Variants in FRMD4A observed in about 807,000 individuals in gnomAD.
FRMD4A encodes the protein FERM domain containing 4A.
A neutral mutation model predicts 129.1 loss-of-function variants in FRMD4A; 29 were observed. The observed-to-expected ratio is 0.22, with a 90% confidence interval of 0.17 to 0.31. The LOEUF (loss-of-function observed/expected upper bound fraction) is 0.31. Ranked by LOEUF, FRMD4A falls within the 10% of genes least tolerant of loss-of-function variation. FRMD4A has a pLI of 1.00. For synonymous variants in FRMD4A, 634 were observed against 571.6 expected (o/e 1.11, Z -1.56); for missense variants, 1,272 against 1,375.8 (o/e 0.92, Z 1.19).
chr10:14,281,954 T>C (rs1845533032), intron 2 of FRMD4A, among the ~76,000 whole-genome samples: 1 of 152,104 alleles, frequency 6.6e-6, no homozygotes, highest in South Asian at 2.1e-4. Context: ...GGGTGATTTA[T>C]AAAGAAAAAG....
At chr10:13,988,533 T>C (rs1379221498) in intron 2 of FRMD4A, among the ~76,000 whole-genome samples, 1 of 152,174 alleles carries the variant, frequency 6.6e-6, no homozygotes, top group Non-Finnish European at 1.5e-5. Context: ...TTGCATAAAA[T>C]AGCTGTGGGA....
chr10:14,225,130 G>A (rs142881822), intron 2 of FRMD4A, among the ~76,000 whole-genome samples: 1 of 152,288 alleles, frequency 6.6e-6, no homozygotes, highest in East Asian at 1.9e-4. Flanking sequence ...CCAGGTGGCG[G>A]TAAGTTAATA....
intron 2 of FRMD4A, among the ~76,000 whole-genome samples, chr10:14,125,469 G>T (rs925455353): frequency 1.3e-5 from 2 of 152,082 alleles, no homozygotes; most frequent in African/African-American, 2.4e-5. Context: ...ACTTGCAAAG[G>T]TCCAATACCC....
intron 2 of FRMD4A, among the ~76,000 whole-genome samples, chr10:13,967,320 G>A (rs2095491633): frequency 6.6e-6 from 1 of 152,034 alleles, no homozygotes; most frequent in Non-Finnish European, 1.5e-5. Flanking sequence ...CTGGGCGACA[G>A]AGCGAGACTC....
intron 2 of FRMD4A, among the ~76,000 whole-genome samples, chr10:13,885,183 G>T (rs565060067): frequency 6.6e-6 from 1 of 152,152 alleles, no homozygotes; most frequent in East Asian, 1.9e-4. Flanking sequence ...CCAGGAATTC[G>T]AGACCAGCCT....
At chr10:14,210,738 T>C (rs1842912734) in intron 2 of FRMD4A, among the ~76,000 whole-genome samples, 1 of 152,160 alleles carries the variant, frequency 6.6e-6, no homozygotes, top group Admixed American at 6.5e-5. Flanking sequence ...GTTTCTTTGT[T>C]TGTTTTTGAG....
chr10:13,661,620 C>T (rs888897270), intron 19 of FRMD4A, among the ~76,000 whole-genome samples: 1 of 152,128 alleles, frequency 6.6e-6, no homozygotes, highest in African/African-American at 2.4e-5. Flanking sequence ...AGTGAAAAAT[C>T]CTGTTTTAGA....
At chr10:14,173,021 C>A (rs1403796064) in intron 2 of FRMD4A, among the ~76,000 whole-genome samples, 3 of 151,418 alleles carry the variant, frequency 2.0e-5, no homozygotes, top group African/African-American at 7.3e-5. Flanking sequence ...GGCTCATTAA[C>A]CAGCAGGAAA....
intron 2 of FRMD4A, among the ~76,000 whole-genome samples, chr10:14,313,098 A>T (rs569261413): frequency 6.6e-5 from 10 of 152,188 alleles, no homozygotes; most frequent in Non-Finnish European, 1.5e-4. Flanking sequence ...CACACCTGTA[A>T]TCCCAATATT....
chr10:14,185,659 G>C (rs934964707), intron 2 of FRMD4A, among the ~76,000 whole-genome samples: 2 of 152,206 alleles, frequency 1.3e-5, no homozygotes, highest in South Asian at 2.1e-4. Flanking sequence ...GCGGTTGTTA[G>C]CTGTGCAGAT....
At chr10:14,073,663 G>C (rs1835421795) in intron 2 of FRMD4A, among the ~76,000 whole-genome samples, 1 of 152,092 alleles carries the variant, frequency 6.6e-6, no homozygotes, top group African/African-American at 2.4e-5. Context: ...AACGGAGTGA[G>C]GGGAAGTCCA....
chr10:13,996,946 C>G (rs1397355321), intron 2 of FRMD4A, among the ~76,000 whole-genome samples: 2 of 151,970 alleles, frequency 1.3e-5, no homozygotes, highest in Admixed American at 6.6e-5. Flanking sequence ...GTTATGAAGC[C>G]CTGACCCATG....
chr10:13,804,539 C>A (rs2093323747), intron 4 of FRMD4A, among the ~76,000 whole-genome samples: 1 of 151,150 alleles, frequency 6.6e-6, no homozygotes, highest in African/African-American at 2.4e-5. Context: ...TTCTTTCTTT[C>A]TTTCTTTATT....
chr10:14,114,270 G>C (rs1344730018), intron 2 of FRMD4A, among the ~76,000 whole-genome samples: 1 of 152,136 alleles, frequency 6.6e-6, no homozygotes, highest in Non-Finnish European at 1.5e-5. Context: ...CTTTCCACCA[G>C]CCAGGTCCTA....
chr10:14,056,604 T>C (rs1467580910), intron 2 of FRMD4A, among the ~76,000 whole-genome samples: 1 of 152,174 alleles, frequency 6.6e-6, no homozygotes, highest in African/African-American at 2.4e-5. Flanking sequence ...CCAGTATTTC[T>C]CCAGTCGCAT....
chr10:13,781,306 T>TAAAAAAAAAAAA (rs1253732948), intron 6 of FRMD4A, among the ~76,000 whole-genome samples: 8 of 79,228 alleles, frequency 1.0e-4, no homozygotes, highest in Non-Finnish European at 1.3e-4. Context: ...TCTTAAAAAT[T>TAAAAAAAAAAAA]AAAAAAAAAA....
chr10:14,006,839 G>A (rs974681662), intron 2 of FRMD4A, among the ~76,000 whole-genome samples: 1 of 152,116 alleles, frequency 6.6e-6, no homozygotes, highest in Non-Finnish European at 1.5e-5. Flanking sequence ...GAAATACACA[G>A]TAAGCATTTA....
intron 2 of FRMD4A, among the ~76,000 whole-genome samples, chr10:14,320,334 C>T (rs576054964): frequency 2.0e-5 from 3 of 152,152 alleles, no homozygotes; most frequent in Non-Finnish European, 4.4e-5. Context: ...ATGACACAGA[C>T]CCTTTAGCAA....
chr10:14,198,595 C>T (rs949202284), intron 2 of FRMD4A, among the ~76,000 whole-genome samples: 1 of 152,200 alleles, frequency 6.6e-6, no homozygotes, highest in African/African-American at 2.4e-5. Context: ...TTCCTCCTTG[C>T]TCTCTTTTCT....
Sources: allele counts gnomAD v4.1 joint callset (sites outside exome capture counted in the v4.1 genomes callset), GRCh38; gene constraint gnomAD v4.1.1; transcripts MANE v1.5; gene names NCBI Gene and HGNC (gene_info 2026-07-23, HGNC 2026-07-21).